Variants in PCSK6 observed in about 807,000 individuals in gnomAD.
PCSK6 encodes paired basic amino acid cleaving enzyme 4.
In PCSK6, 85 loss-of-function variants were observed where a neutral mutation model predicts 123.3. The observed-to-expected ratio is 0.69, with a 90% CI of 0.58 to 0.83. PCSK6 has a LOEUF of 0.83. PCSK6 is among the 40% of genes least tolerant of loss of function. The pLI is 0.00. For synonymous variants in PCSK6, 508 were observed against 516.0 expected (o/e 0.98, Z 0.21); for missense variants, 1,191 against 1,282.3 (o/e 0.93, Z 1.09).
chr15:101,330,779 T>A (rs867671732), intron 15 of PCSK6, among the ~76,000 whole-genome samples: 1 of 152,252 alleles, frequency 6.6e-6, no homozygotes, highest in Non-Finnish European at 1.5e-5. Context: ...AATTACTGAA[T>A]CTTGCCACAG....
rs2056813639 is a variant in PCSK6, at chr15:101,443,621, T to C, written c.337A>G (p.Lys113Glu). The C allele has an allele frequency of 6.2e-7, 1 of 1,613,850 alleles. No homozygotes were observed. The highest frequency in any genetic ancestry group is 8.5e-7 in the Non-Finnish European group (1 of 1,179,860). The change falls in exon 2 of 22, where the codon AAA (lysine) becomes GAA (glutamate). Residue 113 changes from lysine to glutamate, a missense_variant. Physicochemically the swap from Lys to Glu is moderately conservative, Grantham distance 56. This residue lies in a region of PCSK6 where 204 missense variants were observed against 166.4 expected (regional missense o/e 1.23). Transcript: ENST00000611716. The stretch of plus-strand genomic sequence containing the variant: ...CTCAAGGTTGATCTTTTAAAGGTTT[T>C]GCTGTGATAAAAATGGTAGTAATCT... ...LEDYYHFYHS[K>E]TFKRSTLSSR...
At chr15:101,406,639 G>C (rs2042789699) in intron 6 of PCSK6, among the ~76,000 whole-genome samples, 1 of 152,156 alleles carries the variant, frequency 6.6e-6, no homozygotes, top group African/African-American at 2.4e-5. Flanking sequence ...TATCACCTAA[G>C]ACAATAGACA....
At chr15:101,413,005 T>TGAGGAG (rs925761371) in intron 6 of PCSK6, among the ~76,000 whole-genome samples, 4,681 of 105,824 alleles carry the variant, frequency 0.044, 135 homozygotes, top group East Asian at 0.11. Flanking sequence ...GGAGGAGGAG[T>TGAGGAG]GAGGAGGAGG....
chr15:101,386,434 G>T (rs1304282454), intron 9 of PCSK6, among the ~76,000 whole-genome samples: 1 of 152,132 alleles, frequency 6.6e-6, no homozygotes, highest in South Asian at 2.1e-4. Flanking sequence ...CGTTCACATT[G>T]CTCTGGTACC....
At chr15:101,309,418 T>C (rs888446285) in intron 20 of PCSK6, among the ~76,000 whole-genome samples, 1 of 152,186 alleles carries the variant, frequency 6.6e-6, no homozygotes, top group Non-Finnish European at 1.5e-5. Context: ...CAGGGTGGCT[T>C]TTAAGATGCT....
intron 1 of PCSK6, among the ~76,000 whole-genome samples, chr15:101,463,441 T>C (rs1051176818): frequency 3.9e-5 from 6 of 152,192 alleles, no homozygotes; most frequent in Non-Finnish European, 7.3e-5. Flanking sequence ...ATTCTGCTGC[T>C]ACCAGTTCCT....
intron 19 of PCSK6, among the ~76,000 whole-genome samples, chr15:101,315,510 C>T (rs2039969663): frequency 6.6e-6 from 1 of 152,188 alleles, no homozygotes; most frequent in African/African-American, 2.4e-5. Flanking sequence ...TTTGCGGGGC[C>T]CAGTATAAAG....
At chr15:101,379,423 T>G (rs911875117) in intron 11 of PCSK6, among the ~76,000 whole-genome samples, 2 of 152,306 alleles carry the variant, frequency 1.3e-5, no homozygotes, top group East Asian at 3.9e-4. Context: ...CTGTCTGACC[T>G]TTGGTCACAC....
chr15:101,310,195 G>A lies in PCSK6; in HGVS notation c.2700-2870C>T, dbSNP rs542958218. 9.2e-5 allele frequency among the ~76,000 whole-genome samples: 14 copies of A among 152,344 alleles called. No homozygotes were observed. In the South Asian group the frequency reaches 2.9e-3, roughly 32 times the overall value. ...CGTCCACACTGACGCTCTTCCTGGGGGGTGCTTCTCCAAGACCCGGTGTGT... is the reference window on the plus strand; with the variant it reads ...CGTCCACACTGACGCTCTTCCTGGGAGGTGCTTCTCCAAGACCCGGTGTGT... On this transcript the variant is annotated intron_variant, in intron 20 of 21. Transcript: ENST00000611716.
At chr15:101,308,764 C>T (rs116197908) in intron 20 of PCSK6, 1 of 152,374 alleles carries the variant, frequency 6.6e-6, no homozygotes, top group South Asian at 2.1e-4. Context: ...CTTGCACATT[C>T]TGGTGGCCCA....
chr15:101,440,981 A>ACAGGGAACT (rs2056739226), intron 2 of PCSK6, among the ~76,000 whole-genome samples: 9 of 152,180 alleles, frequency 5.9e-5, no homozygotes, highest in Non-Finnish European at 1.0e-4. Context: ...TGGGGCTAAC[A>ACAGGGAACT]ATTTAATTAG....
chr15:101,356,190 G>A (rs375846357), intron 13 of PCSK6, among the ~76,000 whole-genome samples: 51 of 152,290 alleles, frequency 3.3e-4, no homozygotes, highest in African/African-American at 1.2e-3. Flanking sequence ...ACGAGCCATC[G>A]CCCCAGCTCT....
At chr15:101,313,234 C>G in intron 20 of PCSK6, 142 bp downstream of exon 20, 1 of 1,554,360 alleles carries the variant, frequency 6.4e-7, no homozygotes, top group Non-Finnish European at 8.7e-7. Context: ...CCCTCAGCAG[C>G]TCTGTAAATG....
intron 6 of PCSK6, among the ~76,000 whole-genome samples, chr15:101,409,846 C>T (rs59315989): frequency 2.0e-5 from 3 of 152,174 alleles, no homozygotes; most frequent in Non-Finnish European, 2.9e-5. Context: ...CAAAGGATGC[C>T]GCATGGGGCA....
intron 6 of PCSK6, among the ~76,000 whole-genome samples, chr15:101,412,857 T>G (rs1054654503): frequency 2.6e-5 from 4 of 151,646 alleles, no homozygotes; most frequent in Non-Finnish European, 4.4e-5. Flanking sequence ...GAGTGGTGGC[T>G]CACACCTGTA....
chr15:101,378,781 G>A (rs2041825172), intron 11 of PCSK6, among the ~76,000 whole-genome samples: 3 of 152,230 alleles, frequency 2.0e-5, no homozygotes, highest in African/African-American at 7.2e-5. Flanking sequence ...GTCCCCAGAT[G>A]TGCAGTGTCC....
At position 101,339,996 on chromosome 15, in the gene PCSK6, C is replaced by G. The variant is rs1393112635; in HGVS notation, c.1859-7965G>C. ...GTATGTATATGTATACACACACAAACAGAAATATCAACCTTTACTCAATAA... is the reference window on the plus strand; with the variant it reads ...GTATGTATATGTATACACACACAAAGAGAAATATCAACCTTTACTCAATAA... On this transcript the variant is annotated intron_variant, in intron 13 of 21. Transcript: ENST00000611716. 2.0e-5 allele frequency among the ~76,000 whole-genome samples: 3 copies of G among 151,682 alleles called. No homozygotes were observed. In the South Asian group the frequency reaches 6.2e-4, roughly 32 times the overall value.
intron 13 of PCSK6, among the ~76,000 whole-genome samples, chr15:101,361,047 G>A (rs1412186592): frequency 6.6e-6 from 1 of 152,160 alleles, no homozygotes; most frequent in African/African-American, 2.4e-5. Flanking sequence ...TCTGTTGAGT[G>A]AAGGCTGTGT....
rs548148109 is a variant in PCSK6, at chr15:101,305,210, C to T, written c.*48G>A. ...GGCCGACAGTCTGGAGGAAGGTGGACGGATGGATGGATGGGAGTGCCTGCC... is the reference window on the plus strand; with the variant it reads ...GGCCGACAGTCTGGAGGAAGGTGGATGGATGGATGGATGGGAGTGCCTGCC... On this transcript the variant is annotated 3_prime_UTR_variant, in exon 22 of 22. Coordinates refer to ENST00000611716, the MANE Select transcript of PCSK6 (RefSeq NM_002570.5). This position sits in a 1 kb window ranked among gnomAD's most constrained non-coding sequence, Gnocchi z 4.8. The T allele has an allele frequency of 1.1e-4, 158 of 1,461,870 alleles. 1 individual carries two copies. In the South Asian group the frequency reaches 1.5e-3, roughly 14 times the overall value. The allele number at this position is 1,461,870 out of a possible 1,614,324, so 90.6% of individuals were successfully genotyped here. A position where few individuals can be genotyped will look rare whatever the true frequency, so the allele number is the denominator to read the frequency against.
Sources: gnomAD v4.1 joint callset for allele counts (sites outside exome capture counted in the v4.1 genomes callset) on GRCh38, gnomAD v4.1.1 for gene constraint, gnomAD v4.1.1 regional missense constraint, Gnocchi (gnomAD v3.1) non-coding constraint, MANE v1.5 for transcripts, NCBI Gene and HGNC (gene_info 2026-07-23, HGNC 2026-07-21) for gene names.